RAB28: variants seen among roughly 807,000 people sequenced by gnomAD.
RAB28 encodes ras-related protein Rab-28.
Under a neutral mutation model 31.7 loss-of-function variants are expected in RAB28, and 24 were observed. That is an observed-to-expected ratio of 0.76 (90% CI 0.55 to 1.06). The LOEUF is 1.06. RAB28 is among the 50% of genes least tolerant of loss of function. The pLI, the probability that RAB28 is intolerant of heterozygous loss-of-function variation, is 0.00. For missense variants in RAB28, 254 were observed against 258.5 expected, an observed-to-expected ratio of 0.98 and a Z score of 0.12; for synonymous variants, 100 against 90.4, an observed-to-expected ratio of 1.11 and a Z score of -0.60.
At chr4:13,368,682 G>A in intron 6 of RAB28, 32 bp from the exon 7 acceptor site, 1 of 1,566,366 alleles carries the variant, frequency 6.4e-7, no homozygotes, top group South Asian at 1.1e-5. Context: ...TTATTATCAG[G>A]ATATCAGAAC....
chr4:13,454,072 G>A (rs1334811809), intron 4 of RAB28, among the ~76,000 whole-genome samples: 1 of 151,612 alleles, frequency 6.6e-6, no homozygotes, highest in Non-Finnish European at 1.5e-5. Flanking sequence ...ATTTCAAAAG[G>A]CTTGTCTTCA....
At chr4:13,394,249 G>C (rs1467990633) in intron 4 of RAB28, among the ~76,000 whole-genome samples, 1 of 152,096 alleles carries the variant, frequency 6.6e-6, no homozygotes, top group Non-Finnish European at 1.5e-5. Context: ...CTAGTTTCAT[G>C]GAAGACAATT....
At chr4:13,402,792 T>C (rs1711848098) in intron 4 of RAB28, among the ~76,000 whole-genome samples, 1 of 151,592 alleles carries the variant, frequency 6.6e-6, no homozygotes, top group African/African-American at 2.4e-5. Context: ...ATTATTATTA[T>C]TTTTTTATTA....
At chr4:13,474,201 C>G in intron 3 of RAB28, 117 bp downstream of exon 3, 1 of 786,002 alleles carries the variant, frequency 1.3e-6, no homozygotes, top group South Asian at 1.4e-5. Context: ...ATTCTCTCTA[C>G]GTATCAGATA....
At chr4:13,421,276 A>G (rs1713122779) in intron 4 of RAB28, among the ~76,000 whole-genome samples, 3 of 152,234 alleles carry the variant, frequency 2.0e-5, no homozygotes, top group African/African-American at 7.2e-5. Flanking sequence ...AAATGGAAGA[A>G]CAATCCATGC....
intron 4 of RAB28, among the ~76,000 whole-genome samples, chr4:13,399,042 C>G (rs946415427): frequency 2.0e-5 from 3 of 152,000 alleles, no homozygotes; most frequent in African/African-American, 7.2e-5. Flanking sequence ...ATCATTTAAT[C>G]CTCACTAAAA....
chr4:13,471,377 T>C (rs1716112644), intron 3 of RAB28, among the ~76,000 whole-genome samples: 1 of 152,140 alleles, frequency 6.6e-6, no homozygotes, highest in African/African-American at 2.4e-5. Flanking sequence ...ACAGCTTCTC[T>C]AGCCTGGATA....
At chr4:13,480,135 A>G (rs1247942557) in intron 1 of RAB28, among the ~76,000 whole-genome samples, 1 of 151,798 alleles carries the variant, frequency 6.6e-6, no homozygotes, top group Non-Finnish European at 1.5e-5. Flanking sequence ...GACAAAATGA[A>G]TATTTTCCAT....
At chr4:13,397,630 T>C (rs1729924397) in intron 4 of RAB28, among the ~76,000 whole-genome samples, 1 of 152,142 alleles carries the variant, frequency 6.6e-6, no homozygotes, top group Non-Finnish European at 1.5e-5. Flanking sequence ...GTCACTGTTG[T>C]AATATTTATT....
intron 4 of RAB28, among the ~76,000 whole-genome samples, chr4:13,389,899 G>C (rs570359251): frequency 1.3e-5 from 2 of 152,180 alleles, no homozygotes; most frequent in African/African-American, 4.8e-5. Flanking sequence ...GGTATTGATG[G>C]AACGTATCTC....
At chr4:13,414,400 C>T (rs1221748465) in intron 4 of RAB28, among the ~76,000 whole-genome samples, 3 of 152,116 alleles carry the variant, frequency 2.0e-5, no homozygotes, top group African/African-American at 7.2e-5. Context: ...ATAACCCAAA[C>T]TGACTGGGAA....
intron 3 of RAB28, among the ~76,000 whole-genome samples, chr4:13,461,122 T>C (rs1318143110): frequency 6.6e-6 from 1 of 152,152 alleles, no homozygotes; most frequent in African/African-American, 2.4e-5. Context: ...TTACAGTAAA[T>C]ATAAGAAAAT....
Position 13,368,517 on chromosome 4 carries a change from T to C in RAB28, c.*41A>G, listed in dbSNP as rs1042277705. On this transcript the variant is annotated 3_prime_UTR_variant, in exon 7 of 7. Transcript: ENST00000330852. ...AGAAGTCCTCGGGCCCACCCAGAGG[T>C]GAAGGGCAGCCAGAACTATCAACAC... 3 of 1,570,428 alleles carry C rather than the reference T, an allele frequency of 1.9e-6. No individual in the cohort carries two copies. The highest frequency in any genetic ancestry group is 1.4e-5 in the African/African-American group (1 of 71,318).
intron 6 of RAB28, chr4:13,371,186 G>C: frequency 1.0e-6 from 1 of 985,298 alleles, no homozygotes; most frequent in African/African-American, 1.7e-5. Context: ...TTCTGCTTCA[G>C]TTCTTTAGCA....
At chr4:13,379,618 G>A in intron 5 of RAB28, among the ~76,000 whole-genome samples, 1 of 152,086 alleles carries the variant, frequency 6.6e-6, no homozygotes, top group Non-Finnish European at 1.5e-5. Context: ...GGTTGTGTTA[G>A]GACACTCAAA....
intron 1 of RAB28, among the ~76,000 whole-genome samples, chr4:13,482,012 T>C (rs964127184): frequency 6.6e-6 from 1 of 152,090 alleles, no homozygotes; most frequent in Non-Finnish European, 1.5e-5. Flanking sequence ...TGAAAGAAGG[T>C]TAGGTGTCAG....
chr4:13,375,124 TCAGA>T (rs2108876808), intron 6 of RAB28, among the ~76,000 whole-genome samples: 1 of 152,218 alleles, frequency 6.6e-6, no homozygotes, highest in South Asian at 2.1e-4. Flanking sequence ...GGCATTGGTG[TCAGA>T]GAGACCTGGG....
At chr4:13,375,354 T>G (rs955495529) in intron 6 of RAB28, among the ~76,000 whole-genome samples, 2 of 152,214 alleles carry the variant, frequency 1.3e-5, no homozygotes, top group African/African-American at 2.4e-5. Context: ...TAATTCTTTT[T>G]TAGACCCACC....
chr4:13,427,117 G>C (rs1713540664), intron 4 of RAB28, among the ~76,000 whole-genome samples: 1 of 152,102 alleles, frequency 6.6e-6, no homozygotes, highest in Admixed American at 6.5e-5. Context: ...TTCCATTATT[G>C]AGGTTTTTCT....
Sources: allele counts gnomAD v4.1 joint callset (sites outside exome capture counted in the v4.1 genomes callset), GRCh38; gene constraint gnomAD v4.1.1; transcripts MANE v1.5; gene names NCBI Gene and HGNC (gene_info 2026-07-23, HGNC 2026-07-21).